The following NAA15 variants were observed in gnomAD, a reference collection of about 807,000 sequenced individuals.
The protein encoded by NAA15 is N-terminal acetyltransferase.
In NAA15, 34 loss-of-function variants were observed where a neutral mutation model predicts 114.0. The observed-to-expected ratio is 0.30, with a 90% confidence interval of 0.23 to 0.40. The LOEUF is 0.40. Ranked by LOEUF, NAA15 falls within the 10% of genes least tolerant of loss-of-function variation. The pLI is 1.00. For synonymous variants in NAA15, 340 were observed against 338.0 expected (o/e 1.01, Z -0.06); for missense variants, 658 against 1,004.5 (o/e 0.66, Z 4.66).
At chr4:139,333,951 C>T (rs1747114741) in intron 1 of NAA15, among the ~76,000 whole-genome samples, 1 of 151,772 alleles carries the variant, frequency 6.6e-6, no homozygotes, top group Non-Finnish European at 1.5e-5. Context: ...TGTTCTCTTT[C>T]TGCATCACTC....
In NAA15 at chr4:139,354,094, C is replaced by A. The variant is rs762860848; in HGVS notation, c.1083C>A (p.Pro361=). 2 of 1,611,464 alleles carry A rather than the reference C, an allele frequency of 1.2e-6. No homozygotes were observed. Among genetic ancestry groups the A allele is most frequent in the Admixed American group, 3.3e-5 (2 of 59,952 alleles). Residue 361 remains proline, a synonymous_variant, in exon 10 of 20, where the codon CCC becomes CCA. Coordinates refer to ENST00000296543, the MANE Select transcript of NAA15 (RefSeq NM_057175.5). ...TAAAAAGCTGCCGGTTATTTAACCC[C>A]AATGGTAAGTCCTCAAGTTTTATGT... is the stretch of plus-strand genomic sequence containing the variant. ...TSLKSCRLFN[P]NDDGKEEPPT...
chr4:139,373,887 TA>T (rs1052440970), intron 15 of NAA15, among the ~76,000 whole-genome samples: 4 of 152,124 alleles, frequency 2.6e-5, no homozygotes, highest in African/African-American at 9.7e-5. Context: ...GTATTTTTAG[TA>T]GAGATGGAGT....
chr4:139,350,423 G>A (rs1747738367), intron 7 of NAA15, among the ~76,000 whole-genome samples: 1 of 152,204 alleles, frequency 6.6e-6, no homozygotes, highest in Non-Finnish European at 1.5e-5. Flanking sequence ...CTGTTCCTTT[G>A]TGGGAAGAGG....
intron 17 of NAA15, among the ~76,000 whole-genome samples, chr4:139,383,189 T>C (rs552523301): frequency 5.6e-4 from 85 of 152,338 alleles, no homozygotes; most frequent in African/African-American, 2.0e-3. Flanking sequence ...CTATGATTTA[T>C]TGACTACCTA....
chr4:139,360,709 ATTTC>A, intron 13 of NAA15, 81 bp downstream of exon 13: 1 of 1,262,020 alleles, frequency 7.9e-7, no homozygotes, highest in Non-Finnish European at 1.1e-6. Context: ...TTTCTCTTCT[ATTTC>A]TTTATAATTC....
chr4:139,385,283 A>AATATATATATATATATATAATATATATT lies in NAA15; in HGVS notation c.2302+322_2302+323insTAATATATATTATATATATATATATATA, dbSNP rs35008407. Reference sequence around the variant, plus strand: ...AACAAAACCAAACATATATATATATAATATATATATATATATAATATATAT... The same window carrying AATATATATATATATATATAATATATATT: ...AACAAAACCAAACATATATATATATAATATATATATATATATATAATATATATTATATATATATATATATAATATATAT... On this transcript the variant is annotated intron_variant, in intron 18 of 19. Coordinates refer to ENST00000296543, the MANE Select transcript of NAA15 (RefSeq NM_057175.5). 2.1e-4 allele frequency among the ~76,000 whole-genome samples: 21 copies of AATATATATATATATATATAATATATATT among 100,486 alleles called. 1 individual carries two copies. The highest frequency in any genetic ancestry group is 4.8e-3 in the Middle Eastern group (1 of 208). 65.9% of individuals were successfully genotyped at this position (100,486 alleles called of 152,430 possible). A position where few individuals can be genotyped will look rare whatever the true frequency, so the allele number is the denominator to read the frequency against.
At chr4:139,329,539 C>G (rs926969988) in intron 1 of NAA15, among the ~76,000 whole-genome samples, 1 of 152,100 alleles carries the variant, frequency 6.6e-6, no homozygotes, top group Admixed American at 6.6e-5. Flanking sequence ...TAAAGTAATA[C>G]TCTAGGGCTA....
At chr4:139,381,631 C>G (rs1467488618) in intron 17 of NAA15, among the ~76,000 whole-genome samples, 4 of 152,006 alleles carry the variant, frequency 2.6e-5, no homozygotes, top group Admixed American at 1.3e-4. Context: ...GTTGTAATCA[C>G]TTACTCGGTT....
In NAA15 at chr4:139,359,794, T is replaced by C. The variant is rs1281754022; in HGVS notation, c.1309T>C (p.Leu437=). 2.5e-6 allele frequency: 4 copies of C among 1,608,680 alleles called. No homozygotes were observed. In the South Asian group the frequency reaches 4.5e-5, roughly 18 times the overall value. Residue 437 remains leucine (L), a synonymous_variant, in exon 12 of 20, where the codon TTG becomes CTG. Coordinates refer to ENST00000296543, the MANE Select transcript of NAA15 (RefSeq NM_057175.5). ...AAGGTGGATGGATGAGGCCCAGGCCTTGGACACAGCAGACAGATTTATCAA... is the reference window on the plus strand; with the variant it reads ...AAGGTGGATGGATGAGGCCCAGGCCCTGGACACAGCAGACAGATTTATCAA... ...AARWMDEAQA[L]DTADRFINSK...
At chr4:139,308,934 A>G (rs1021515455) in intron 1 of NAA15, among the ~76,000 whole-genome samples, 17 of 151,898 alleles carry the variant, frequency 1.1e-4, no homozygotes, top group Non-Finnish European at 2.4e-4. Flanking sequence ...GTAAATTTAA[A>G]CTCGGATAAA....
chr4:139,303,413 C>T (rs1367093717), intron 1 of NAA15, among the ~76,000 whole-genome samples: 2 of 152,088 alleles, frequency 1.3e-5, no homozygotes, highest in African/African-American at 2.4e-5. Flanking sequence ...CACTCATAAA[C>T]CTTTACTTAT....
At chr4:139,338,168 G>T (rs990605572) in intron 3 of NAA15, among the ~76,000 whole-genome samples, 1 of 152,186 alleles carries the variant, frequency 6.6e-6, no homozygotes, top group African/African-American at 2.4e-5. Context: ...GAGAGGTAAA[G>T]TCCTGAAATA....
At chr4:139,363,240 A>G (rs1249418813) in intron 14 of NAA15, among the ~76,000 whole-genome samples, 1 of 152,188 alleles carries the variant, frequency 6.6e-6, no homozygotes, top group Non-Finnish European at 1.5e-5. Flanking sequence ...AAATTATACA[A>G]ATAATACACA....
chr4:139,340,378 A>G (rs1031326892), intron 3 of NAA15, among the ~76,000 whole-genome samples: 3 of 152,180 alleles, frequency 2.0e-5, no homozygotes, highest in African/African-American at 7.2e-5. Flanking sequence ...TTTTTATTTT[A>G]TATGTGGCTG....
chr4:139,387,318 C>T (rs6844671), intron 19 of NAA15, among the ~76,000 whole-genome samples: 1,786 of 152,292 alleles, frequency 0.012, 12 homozygotes, highest in East Asian at 0.029. Flanking sequence ...GAAAGAATTA[C>T]TCATTTTCAT....
Position 139,388,509 on chromosome 4 carries a change from C to CA in NAA15, c.*428dup, listed in dbSNP as rs1255128128. On this transcript the variant is annotated 3_prime_UTR_variant, in exon 20 of 20. Coordinates refer to ENST00000296543, the MANE Select transcript of NAA15 (RefSeq NM_057175.5). ...TAGCACTGGATTCTTTCACTGAGCA[C>CA]AAAGAGTTGTTGGGGCTTTAGCATC... is the stretch of plus-strand genomic sequence containing the variant. 2 of 158,660 alleles carry CA rather than the reference C, an allele frequency of 1.3e-5. No individual in the cohort carries two copies. The highest frequency in any genetic ancestry group is 1.9e-4 in the East Asian group (1 of 5,378). The allele number at this position is 158,660 out of a possible 1,614,324, so 9.8% of individuals were successfully genotyped here. A position where few individuals can be genotyped will look rare whatever the true frequency, so the allele number is the denominator to read the frequency against.
intron 16 of NAA15, among the ~76,000 whole-genome samples, chr4:139,377,453 G>A (rs982150505): frequency 6.6e-5 from 10 of 151,852 alleles, no homozygotes; most frequent in African/African-American, 1.9e-4. Context: ...CAGGAGAATC[G>A]CTTGAACCCG....
At chr4:139,308,151 C>A (rs141727265) in intron 1 of NAA15, among the ~76,000 whole-genome samples, 1 of 151,788 alleles carries the variant, frequency 6.6e-6, no homozygotes, top group African/African-American at 2.4e-5. Context: ...TTAGTAGAGA[C>A]GGGGTTTCAC....
At chr4:139,344,447 A>T in intron 6 of NAA15, 108 bp downstream of exon 6, 1 of 847,256 alleles carries the variant, frequency 1.2e-6, no homozygotes, top group Non-Finnish European at 1.8e-6. Flanking sequence ...TTTTGATGAT[A>T]GGAAATCTAT....
Sources: gnomAD v4.1 joint callset for allele counts (sites outside exome capture counted in the v4.1 genomes callset) on GRCh38, gnomAD v4.1.1 for gene constraint, MANE v1.5 for transcripts, NCBI Gene and HGNC (gene_info 2026-07-23, HGNC 2026-07-21) for gene names.